Variants in NDRG3 observed in about 807,000 individuals in gnomAD.
NDRG3 encodes the protein protein NDRG3.
In NDRG3, 23 loss-of-function variants were observed where a neutral mutation model predicts 57.2. The observed-to-expected ratio is 0.40, with a 90% CI of 0.29 to 0.57. The LOEUF (loss-of-function observed/expected upper bound fraction) is 0.57. Ranked by LOEUF, NDRG3 falls within the 20% of genes least tolerant of loss-of-function variation. The pLI is 0.42. For synonymous variants in NDRG3, 132 were observed against 162.6 expected (o/e 0.81, Z 1.43); for missense variants, 384 against 457.3 (o/e 0.84, Z 1.46).
chr20:36,656,366 C>T lies in NDRG3; in HGVS notation c.940G>A (p.Gly314Ser), dbSNP rs763136328. Reference sequence around the variant, plus strand: ...AAAGTTGTGTACTACTCACTGTAGCCCATTCCCTGCAAAAAGTACTTGAAG... The same window carrying T: ...AAAGTTGTGTACTACTCACTGTAGCTCATTCCCTGCAAAAAGTACTTGAAG... ...EAFKYFLQGM[G>S]YIPSASMTRL... The change falls in exon 15 of 16, where the codon GGC becomes AGC. Residue 314 changes from glycine (G) to serine (S), a missense_variant. Transcript: ENST00000349004. 1 of 1,614,000 alleles carries T rather than the reference C, an allele frequency of 6.2e-7. No homozygotes were observed. Among genetic ancestry groups the T allele is most frequent in the Non-Finnish European group, 8.5e-7 (1 of 1,180,000 alleles).
At chr20:36,664,608 G>A (rs1979462212) in intron 12 of NDRG3, among the ~76,000 whole-genome samples, 1 of 152,168 alleles carries the variant, frequency 6.6e-6, no homozygotes, top group Admixed American at 6.5e-5. Flanking sequence ...CAAAATGTAT[G>A]ACAAAGAGCA....
intron 1 of NDRG3, among the ~76,000 whole-genome samples, chr20:36,725,284 G>A (rs182089651): frequency 3.3e-5 from 5 of 150,714 alleles, no homozygotes; most frequent in Admixed American, 6.6e-5. Flanking sequence ...GCGACAGAGT[G>A]AGACCCTGTC....
chr20:36,727,994 T>G (rs1309868800), intron 1 of NDRG3, among the ~76,000 whole-genome samples: 1 of 151,996 alleles, frequency 6.6e-6, no homozygotes, highest in Non-Finnish European at 1.5e-5. Flanking sequence ...AGCCCAAGAG[T>G]TTGAGTCCAG....
intron 1 of NDRG3, among the ~76,000 whole-genome samples, chr20:36,730,665 G>A (rs1265392397): frequency 6.6e-6 from 1 of 152,014 alleles, no homozygotes; most frequent in African/African-American, 2.4e-5. Flanking sequence ...GCACAAGGTT[G>A]GCCAGGGCAC....
rs115250211 is a variant in NDRG3, at chr20:36,677,912, G to A, written c.531+2904C>T. 2.1e-3 allele frequency among the ~76,000 whole-genome samples: 318 copies of A among 152,174 alleles called. 1 individual carries two copies. The highest frequency in any genetic ancestry group is 6.8e-3 in the African/African-American group (283 of 41,498). On this transcript the variant is annotated intron_variant, in intron 8 of 15. Transcript: ENST00000349004. ...ACACCCCAGAGATCCCATAACACAA[G>A]GGATATAATTTTTTCCTTATTCCCA...
chr20:36,681,441 G>C (rs1354594486), intron 7 of NDRG3, among the ~76,000 whole-genome samples: 2 of 151,868 alleles, frequency 1.3e-5, no homozygotes, highest in Non-Finnish European at 2.9e-5. Flanking sequence ...TTAGAGACCA[G>C]CCTGACCAAC....
intron 1 of NDRG3, among the ~76,000 whole-genome samples, chr20:36,741,208 A>C (rs1332175907): frequency 1.3e-5 from 2 of 151,588 alleles, no homozygotes; most frequent in Non-Finnish European, 2.9e-5. Flanking sequence ...TTCATTCATC[A>C]TTTACTAAGC....
intron 2 of NDRG3, among the ~76,000 whole-genome samples, chr20:36,712,587 ATTTTT>A (rs71186015): frequency 1.7e-4 from 1 of 5,912 alleles, no homozygotes; most frequent in African/African-American, 5.5e-4. Flanking sequence ...ATATATATAT[ATTTTT>A]TTTTTTTTTT....
chr20:36,726,993 T>G (rs543032043), intron 1 of NDRG3, among the ~76,000 whole-genome samples: 1 of 151,668 alleles, frequency 6.6e-6, no homozygotes, highest in African/African-American at 2.4e-5. Context: ...CTTGGCTCAC[T>G]GCAACTTCCG....
At chr20:36,717,206 A>T (rs529876382) in intron 2 of NDRG3, among the ~76,000 whole-genome samples, 2 of 152,208 alleles carry the variant, frequency 1.3e-5, no homozygotes, top group Non-Finnish European at 2.9e-5. Context: ...ACAAAATTAC[A>T]GGCATACTAA....
At chr20:36,706,844 C>T (rs777728210) in intron 3 of NDRG3, 128 bp downstream of exon 3, 6 of 740,804 alleles carry the variant, frequency 8.1e-6, no homozygotes, top group Non-Finnish European at 1.1e-5. Context: ...GATCCAATGA[C>T]CAAACGAACA....
At chr20:36,696,081 A>T (rs1012268529) in intron 3 of NDRG3, among the ~76,000 whole-genome samples, 3 of 152,206 alleles carry the variant, frequency 2.0e-5, no homozygotes, top group Non-Finnish European at 2.9e-5. Flanking sequence ...TTCCCCCGAT[A>T]GCCCAGGCTG....
At chr20:36,744,278 G>A (rs1004035232) in intron 1 of NDRG3, among the ~76,000 whole-genome samples, 8 of 152,072 alleles carry the variant, frequency 5.3e-5, no homozygotes, top group South Asian at 4.1e-4. Flanking sequence ...GCCTTTGAGT[G>A]GTAAATGGTG....
chr20:36,692,543 G>C (rs1204497891), intron 3 of NDRG3, among the ~76,000 whole-genome samples: 2 of 151,970 alleles, frequency 1.3e-5, no homozygotes, highest in Admixed American at 6.6e-5. Flanking sequence ...ATATACTGTT[G>C]GTAAGGCATA....
At chr20:36,705,901 C>T (rs528544783) in intron 3 of NDRG3, among the ~76,000 whole-genome samples, 8 of 152,160 alleles carry the variant, frequency 5.3e-5, no homozygotes, top group Admixed American at 3.3e-4. Flanking sequence ...CGCACCATCA[C>T]GTCCAGCTAA....
At chr20:36,728,925 T>C (rs1296521879) in intron 1 of NDRG3, among the ~76,000 whole-genome samples, 1 of 152,124 alleles carries the variant, frequency 6.6e-6, no homozygotes, top group African/African-American at 2.4e-5. Flanking sequence ...TTTCACCATG[T>C]TGGCCAGGCT....
chr20:36,736,279 G>A (rs981674740), intron 1 of NDRG3, among the ~76,000 whole-genome samples: 1 of 152,222 alleles, frequency 6.6e-6, no homozygotes, highest in Non-Finnish European at 1.5e-5. Flanking sequence ...TTGGGCTAAC[G>A]TAGGGCCTGA....
At chr20:36,709,809 C>A (rs955238866) in intron 2 of NDRG3, among the ~76,000 whole-genome samples, 20 of 151,968 alleles carry the variant, frequency 1.3e-4, no homozygotes, top group African/African-American at 4.8e-4. Flanking sequence ...TAGCACAGGG[C>A]CTGGTGTAAA....
chr20:36,677,087 TGGCTCCGG>T (rs1324842590), intron 8 of NDRG3, among the ~76,000 whole-genome samples: 1 of 152,196 alleles, frequency 6.6e-6, no homozygotes, highest in Non-Finnish European at 1.5e-5. Context: ...CCTGGGCCTC[TGGCTCCGG>T]GAAGCGAGCA....
Sources: gnomAD v4.1 joint callset for allele counts (sites outside exome capture counted in the v4.1 genomes callset) on GRCh38, gnomAD v4.1.1 for gene constraint, MANE v1.5 for transcripts, NCBI Gene and HGNC (gene_info 2026-07-23, HGNC 2026-07-21) for gene names.